Variants in BCHE observed in about 807,000 individuals in gnomAD.
BCHE encodes the protein cholinesterase.
In BCHE, 48 loss-of-function variants were observed where a neutral mutation model predicts 51.3. That is an observed-to-expected ratio of 0.94 (90% confidence interval 0.74 to 1.19). The LOEUF is 1.19. Ranked by LOEUF, BCHE falls within the 50% of genes most tolerant of loss-of-function variation. The pLI is 0.00. For missense variants in BCHE, 847 were observed against 708.2 expected (o/e 1.20, Z -2.23); for synonymous variants, 251 against 238.0 (o/e 1.05, Z -0.50).
intron 2 of BCHE, among the ~76,000 whole-genome samples, chr3:165,798,895 A>T (rs1286365194): frequency 6.7e-6 from 1 of 149,830 alleles, no homozygotes. Flanking sequence ...AACAAATAAT[A>T]AAAAAAAACT....
intron 2 of BCHE, among the ~76,000 whole-genome samples, chr3:165,795,141 T>TGTAAATATTAC (rs1713321098): frequency 6.6e-6 from 1 of 152,206 alleles, no homozygotes; most frequent in East Asian, 1.9e-4. Flanking sequence ...TCTCATGTGT[T>TGTAAATATTAC]AAGTTAAAGA....
intron 2 of BCHE, among the ~76,000 whole-genome samples, chr3:165,790,552 A>T (rs1713127823): frequency 6.6e-6 from 1 of 152,096 alleles, no homozygotes; most frequent in African/African-American, 2.4e-5. Flanking sequence ...GTCCACAGGG[A>T]CTCCATATTT....
chr3:165,836,627 A>G (rs1715199482), intron 1 of BCHE, among the ~76,000 whole-genome samples: 1 of 152,054 alleles, frequency 6.6e-6, no homozygotes, highest in Non-Finnish European at 1.5e-5. Context: ...CAGAAAGTAC[A>G]TTTGCTTACT....
At chr3:165,822,219 T>C (rs949114993) in intron 2 of BCHE, among the ~76,000 whole-genome samples, 1 of 151,846 alleles carries the variant, frequency 6.6e-6, no homozygotes, top group Non-Finnish European at 1.5e-5. Context: ...TAAGAGGCTA[T>C]GAATGAATGA....
intron 2 of BCHE, among the ~76,000 whole-genome samples, chr3:165,811,149 C>A (rs1227789098): frequency 1.3e-5 from 2 of 151,952 alleles, no homozygotes; most frequent in Non-Finnish European, 2.9e-5. Flanking sequence ...TATAAACACC[C>A]AAGAATCGAA....
At chr3:165,773,563 A>C in intron 3 of BCHE, 57 bp from the exon 4 acceptor site, 1 of 1,493,946 alleles carries the variant, frequency 6.7e-7, no homozygotes, top group Non-Finnish European at 9.2e-7. Context: ...TCATTAACTG[A>C]AAAATAATTT....
intron 2 of BCHE, among the ~76,000 whole-genome samples, chr3:165,817,304 T>C (rs1366383750): frequency 6.6e-6 from 1 of 152,088 alleles, no homozygotes; most frequent in Admixed American, 6.6e-5. Flanking sequence ...AATAACCTCC[T>C]AGTTCTTCTG....
rs1435044490 is a variant in BCHE, at chr3:165,800,472, C to T, written c.1518-14161G>A. Among the ~76,000 whole-genome samples, 9 of 151,856 alleles carry T rather than the reference C, an allele frequency of 5.9e-5. No homozygotes were observed. In the East Asian group the frequency reaches 1.7e-3, roughly 29 times the overall value. ...TTAATACCAAATATAATATTAAGCT[C>T]AAAAATATCCCCATAAATTTTACCC... On this transcript the variant is annotated intron_variant, in intron 2 of 3. Transcript: ENST00000264381.
chr3:165,800,416 A>AT (rs200286300), intron 2 of BCHE, among the ~76,000 whole-genome samples: 13 of 151,780 alleles, frequency 8.6e-5, no homozygotes, highest in African/African-American at 3.1e-4. Flanking sequence ...GGCTATTTTT[A>AT]TTTTTTTTCT....
At position 165,773,397 on chromosome 3, in the gene BCHE, ACTTT is replaced by A. The variant is rs1213877645; in HGVS notation, c.1790_1793del (p.Glu597ValfsTer7). 3.7e-6 allele frequency: 6 copies of A among 1,611,122 alleles called. No individual in the cohort carries two copies. Among genetic ancestry groups the A allele is most frequent in the Non-Finnish European group, 5.1e-6 (6 of 1,178,002 alleles). On this transcript the variant is annotated frameshift_variant, in exon 4 of 4. Transcript: ENST00000264381. LOFTEE classifies it high-confidence loss of function. ...AATCTATTAATTAGAGACCCACACA[ACTTT>A]CTTTCTTGCTAGTGTAATCGTTAAA...
At chr3:165,816,064 A>T (rs1714304134) in intron 2 of BCHE, among the ~76,000 whole-genome samples, 1 of 152,018 alleles carries the variant, frequency 6.6e-6, no homozygotes, top group South Asian at 2.1e-4. Flanking sequence ...AGGGCACAGT[A>T]CAAGTCAATA....
intron 2 of BCHE, among the ~76,000 whole-genome samples, chr3:165,805,631 G>A (rs1297931546): frequency 6.6e-6 from 1 of 152,008 alleles, no homozygotes; most frequent in Non-Finnish European, 1.5e-5. Context: ...CAGCACAGAT[G>A]GATGATAGCA....
intron 2 of BCHE, among the ~76,000 whole-genome samples, chr3:165,815,055 T>C (rs532353943): frequency 6.7e-6 from 1 of 149,762 alleles, no homozygotes; most frequent in South Asian, 2.1e-4. Flanking sequence ...ATCATACTTA[T>C]ATATTTAAAA....
intron 3 of BCHE, among the ~76,000 whole-genome samples, chr3:165,783,438 A>G (rs916720345): frequency 6.6e-6 from 1 of 152,132 alleles, no homozygotes; most frequent in Non-Finnish European, 1.5e-5. Flanking sequence ...ATTCAGGCAT[A>G]TTAAGACAAT....
chr3:165,831,341 T>G (rs1307809076), intron 1 of BCHE, among the ~76,000 whole-genome samples: 1 of 152,202 alleles, frequency 6.6e-6, no homozygotes, highest in Non-Finnish European at 1.5e-5. Flanking sequence ...TAGCCAAATT[T>G]AATGTTACTT....
At chr3:165,774,264 G>T (rs1322603909) in intron 3 of BCHE, among the ~76,000 whole-genome samples, 1 of 152,058 alleles carries the variant, frequency 6.6e-6, no homozygotes, top group Non-Finnish European at 1.5e-5. Context: ...ATTTATTAAT[G>T]CATAAGGATA....
intron 2 of BCHE, among the ~76,000 whole-genome samples, chr3:165,802,439 A>G (rs969489038): frequency 6.6e-6 from 1 of 152,128 alleles, no homozygotes; most frequent in East Asian, 1.9e-4. Flanking sequence ...AGGAGAATAA[A>G]CTGGAGAGAA....
intron 2 of BCHE, among the ~76,000 whole-genome samples, chr3:165,809,073 A>G (rs544020308): frequency 6.6e-6 from 1 of 152,272 alleles, no homozygotes; most frequent in African/African-American, 2.4e-5. Flanking sequence ...TGCTTACTTT[A>G]TTTAAAAAGT....
chr3:165,813,450 T>C (rs1287544634), intron 2 of BCHE, among the ~76,000 whole-genome samples: 1 of 151,708 alleles, frequency 6.6e-6, no homozygotes, highest in Non-Finnish European at 1.5e-5. Context: ...ATATCTAAAG[T>C]AGGTTCAAAC....
Sources: gnomAD v4.1 joint callset for allele counts (sites outside exome capture counted in the v4.1 genomes callset) on GRCh38, gnomAD v4.1.1 for gene constraint, MANE v1.5 for transcripts, NCBI Gene and HGNC (gene_info 2026-07-23, HGNC 2026-07-21) for gene names.